RNF17: variants seen among roughly 807,000 people sequenced by gnomAD.
RNF17 encodes ring finger protein 17, also known as spermatogenesis associated 23.
Under a neutral mutation model 200.5 loss-of-function variants are expected in RNF17, and 31 were observed. The observed-to-expected ratio is 0.15, with a 90% confidence interval of 0.12 to 0.21. The LOEUF (loss-of-function observed/expected upper bound fraction) is 0.21, where lower values mean the gene tolerates loss of function less well. Among genes scored for constraint, RNF17 ranks in the 10% least tolerant of loss-of-function variants. The probability of loss-of-function intolerance (pLI) is 1.00; values close to 1 mark genes in which losing one functional copy is unlikely to be tolerated. For missense variants in RNF17, 1,628 were observed against 1,905.1 expected (o/e 0.85, Z 2.71); for synonymous variants, 606 against 637.8 (o/e 0.95, Z 0.75).
At chr13:24,751,338 TCCTC>T in the RNF17 span, 1 of 151,582 alleles carries the variant, frequency 6.6e-6, no homozygotes, top group African/African-American at 2.4e-5. Flanking sequence ...TTGTGCTTCT[TCCTC>T]CTTCAACCTG....
intron 15 of RNF17, among the ~76,000 whole-genome samples, chr13:24,810,165 T>G (rs1378335990): frequency 2.6e-5 from 4 of 151,176 alleles, no homozygotes; most frequent in Non-Finnish European, 5.9e-5. Flanking sequence ...ATCCGCTTGG[T>G]GCAGAGCTGA....
At position 24,812,176 on chromosome 13, in the gene RNF17, C is replaced by G. The variant is rs1458306575; in HGVS notation, c.2091+7747C>G. On this transcript the variant is annotated intron_variant, in intron 15 of 35. Transcript: ENST00000255324. ...GAGCTGTGGTGGGCTCCACCCAGTT[C>G]GAGCTTCCTGGCTGCTTTGTTTACC... Among the ~76,000 whole-genome samples, 10 of 146,602 alleles carry G rather than the reference C, an allele frequency of 6.8e-5. 1 individual carries two copies. Among genetic ancestry groups the G allele is most frequent in the South Asian group, 4.5e-4 (2 of 4,490 alleles).
At position 24,796,169 on chromosome 13, in the gene RNF17, A is replaced by T; in HGVS notation, c.1273A>T (p.Ile425Leu). Residue 425 changes from isoleucine to leucine, a missense_variant, in exon 11 of 36, where the codon ATA (isoleucine) becomes TTA (leucine). By Grantham distance (5) the Ile-to-Leu change is conservative. Coordinates refer to ENST00000255324, the MANE Select transcript of RNF17 (RefSeq NM_031277.3). ...AGAGCTAGTTTTTGTAAGCCATGTAATAGATCCTTGCCATTTCTACATTCG... is the reference window on the plus strand; with the variant it reads ...AGAGCTAGTTTTTGTAAGCCATGTATTAGATCCTTGCCATTTCTACATTCG... Reference protein sequence around the residue: ...SAELVFVSHVIDPCHFYIRKY... With the variant: ...SAELVFVSHVLDPCHFYIRKY... 6.2e-7 allele frequency: 1 copy of T among 1,612,412 alleles called. No individual in the cohort carries two copies. The highest frequency in any genetic ancestry group is 8.5e-7 in the Non-Finnish European group (1 of 1,179,008).
upstream of RNF17, among the ~76,000 whole-genome samples, chr13:24,763,598 G>A (rs1335579438): frequency 1.3e-5 from 2 of 151,878 alleles, no homozygotes; most frequent in African/African-American, 4.8e-5. Flanking sequence ...TTTTTTTAAG[G>A]AGTTATGTAT....
chr13:24,883,534 G>GTGA (rs1312107450), downstream of RNF17, among the ~76,000 whole-genome samples: 1 of 152,102 alleles, frequency 6.6e-6, no homozygotes, highest in African/African-American at 2.4e-5. Flanking sequence ...CTGCTTCATG[G>GTGA]TGATAGTTCC....
At chr13:24,835,347 C>T (rs905249553) in intron 18 of RNF17, among the ~76,000 whole-genome samples, 3 of 152,160 alleles carry the variant, frequency 2.0e-5, no homozygotes, top group Non-Finnish European at 2.9e-5. Flanking sequence ...GAAATTACCA[C>T]CTCTGGCAGG....
chr13:24,874,343 G>A, intron 33 of RNF17, 94 bp downstream of exon 33: 1 of 1,027,884 alleles, frequency 9.7e-7, no homozygotes, highest in South Asian at 1.8e-5. Context: ...AAAGAAAAGG[G>A]TTATTCTAAG....
At chr13:24,798,461 CTGT>C (rs1402847589) in intron 11 of RNF17, among the ~76,000 whole-genome samples, 1 of 152,090 alleles carries the variant, frequency 6.6e-6, no homozygotes, top group East Asian at 1.9e-4. Context: ...TTCAACTATC[CTGT>C]TGTTATTAGC....
At chr13:24,829,138 A>G (rs1017557080) in intron 16 of RNF17, among the ~76,000 whole-genome samples, 1 of 151,988 alleles carries the variant, frequency 6.6e-6, no homozygotes, top group African/African-American at 2.4e-5. Context: ...AGGCCTTACT[A>G]CACATTTTTT....
At chr13:24,794,003 A>G (rs1156873785) in intron 10 of RNF17, among the ~76,000 whole-genome samples, 1 of 152,218 alleles carries the variant, frequency 6.6e-6, no homozygotes, top group Non-Finnish European at 1.5e-5. Flanking sequence ...TGATGTCTCA[A>G]TTACTTAAGA....
At chr13:24,771,744 G>A (rs529138030) in intron 2 of RNF17, among the ~76,000 whole-genome samples, 2 of 150,870 alleles carry the variant, frequency 1.3e-5, no homozygotes, top group African/African-American at 4.9e-5. Context: ...CTGAGCTCAC[G>A]CCTGTAATCC....
chr13:24,811,604 G>A (rs931946022), intron 15 of RNF17, among the ~76,000 whole-genome samples: 35 of 152,104 alleles, frequency 2.3e-4, no homozygotes, highest in East Asian at 9.7e-4. Context: ...CCCGTAGCTC[G>A]GAGTAATTTG....
At chr13:24,781,759 A>C (rs1373245297) in intron 5 of RNF17, 85 bp from the exon 6 acceptor site, 4 of 878,116 alleles carry the variant, frequency 4.6e-6, no homozygotes, top group Non-Finnish European at 5.3e-6. Context: ...GAGTCTAGAA[A>C]GTACCTTTTA....
At chr13:24,830,449 C>A in intron 16 of RNF17, 35 bp from the exon 17 acceptor site, 1 of 1,336,834 alleles carries the variant, frequency 7.5e-7, no homozygotes, top group Non-Finnish European at 1.1e-6. Flanking sequence ...ATTCTGTTTC[C>A]AAGTTTGTAA....
At chr13:24,886,359 T>C in the RNF17 span, 1 of 1,289,220 alleles carries the variant, frequency 7.8e-7, no homozygotes, top group Non-Finnish European at 1.0e-6. Flanking sequence ...AACAAGCTGC[T>C]GGGCGTGTGA....
intron 6 of RNF17, among the ~76,000 whole-genome samples, chr13:24,787,088 A>C (rs1382005189): frequency 1.3e-5 from 2 of 151,922 alleles, no homozygotes; most frequent in African/African-American, 4.8e-5. Flanking sequence ...TGCCTGTCCA[A>C]ATCTGCAGTA....
rs138928166 is a variant in RNF17, at chr13:24,804,294, G to A, written c.1956G>A (p.Lys652=). The change falls in exon 15 of 36, where the codon AAG becomes AAA. Residue 652 remains lysine (K), a synonymous_variant. Transcript: ENST00000255324. The part of the protein sequence containing the change: ...ALVFMELAKF[K]SQSLRSHFEK... ...TCATTATGCTTTTAATTAGGTTTAA[G>A]TCACAATCACTAAGAAGTCACTTTG... 43 of 1,612,398 alleles carry A rather than the reference G, an allele frequency of 2.7e-5. No homozygotes were observed. The highest frequency in any genetic ancestry group is 3.4e-5 in the Non-Finnish European group (40 of 1,179,084).
upstream of RNF17, among the ~76,000 whole-genome samples, chr13:24,763,664 G>T (rs1879094846): frequency 6.6e-6 from 1 of 151,986 alleles, no homozygotes; most frequent in South Asian, 2.1e-4. Flanking sequence ...ACCACTCTTG[G>T]CACGCTGCCT....
chr13:24,884,754 C>G (rs561623421), downstream of RNF17, among the ~76,000 whole-genome samples: 1 of 152,264 alleles, frequency 6.6e-6, no homozygotes, highest in South Asian at 2.1e-4. Context: ...GCCTGTTGTT[C>G]TTTGTCCTTC....
Sources: gnomAD v4.1 joint callset for allele counts (sites outside exome capture counted in the v4.1 genomes callset) on GRCh38, gnomAD v4.1.1 for gene constraint, MANE v1.5 for transcripts, NCBI Gene and HGNC (gene_info 2026-07-23, HGNC 2026-07-21) for gene names.